The following CIP2A variants were observed in gnomAD, a reference collection of about 807,000 sequenced individuals.
The protein encoded by CIP2A is protein CIP2A.
Under a neutral mutation model 110.9 loss-of-function variants are expected in CIP2A, and 103 were observed. That is an observed-to-expected ratio of 0.93 (90% CI 0.79 to 1.09). The LOEUF is 1.09. Among genes scored for constraint, CIP2A ranks in the 50% least tolerant of loss-of-function variants. The pLI is 0.00. For missense variants in CIP2A, 1,088 were observed against 1,038.4 expected (o/e 1.05, Z -0.66); for synonymous variants, 381 against 361.6 (o/e 1.05, Z -0.61).
intron 8 of CIP2A, chr3:108,575,143 A>G (rs1188178262): frequency 6.6e-6 from 1 of 151,988 alleles, no homozygotes; most frequent in Non-Finnish European, 1.5e-5. Context: ...TCAATCTAAC[A>G]ATCTACAACT....
intron 1 of CIP2A, chr3:108,585,562 T>C (rs1939017329): frequency 2.6e-6 from 1 of 388,840 alleles, no homozygotes; most frequent in Admixed American, 3.5e-5. Flanking sequence ...GCAATATTTC[T>C]CCTTCACACT....
Position 108,559,973 on chromosome 3 carries a change from A to C in CIP2A, c.1883T>G (p.Met628Arg), listed in dbSNP as rs1476713629. The C allele has an allele frequency of 1.3e-6, 2 of 1,599,450 alleles. No homozygotes were observed. The highest frequency in any genetic ancestry group is 8.6e-7 in the Non-Finnish European group (1 of 1,168,166). The stretch of plus-strand genomic sequence containing the variant: ...ACTCACAGCTAATGTGGATAGTTTC[A>C]TTTCATATACATCCATTATGTCAGA... ...RISDIMDVYE[M>R]KLSTLASKES... The change falls in exon 15 of 21, where the codon ATG becomes AGG. Residue 628 changes from methionine (M) to arginine (R), a missense_variant. Transcript: ENST00000295746.
Position 108,581,399 on chromosome 3 carries a change from G to T in CIP2A, c.549+16C>A, listed in dbSNP as rs766044480. On this transcript the variant is annotated intron_variant, in intron 5 of 20. Coordinates refer to ENST00000295746, the MANE Select transcript of CIP2A (RefSeq NM_020890.3). Reference sequence around the variant, plus strand: ...ACCATAAAACAAGAAACATTAAAAAGAAATAAACTTCTTACCAATGTCTTT... The same window carrying T: ...ACCATAAAACAAGAAACATTAAAAATAAATAAACTTCTTACCAATGTCTTT... The T allele has an allele frequency of 3.2e-6, 5 of 1,552,400 alleles. No individual in the cohort carries two copies. The South Asian group carries it at 3.4e-5, about 11-fold the overall frequency.
rs182417514 is a variant in CIP2A at position 108,564,505 on chromosome 3, C to T, written c.1515+850G>A. Among the ~76,000 whole-genome samples the T allele has an allele frequency of 5.9e-5, 9 of 152,048 alleles. No individual in the cohort carries two copies. The East Asian group carries it at 1.7e-3, about 29-fold the overall frequency. The stretch of plus-strand genomic sequence containing the variant: ...TTTTGGAGTAGTCTCCTCCACTATG[C>T]TTTAGCAGACCAGATCAAACCAGAA... On this transcript the variant is annotated intron_variant, in intron 12 of 20. Transcript: ENST00000295746.
intron 1 of CIP2A, 82 bp downstream of exon 1, chr3:108,589,192 G>T: frequency 9.9e-7 from 1 of 1,005,652 alleles, no homozygotes; most frequent in East Asian, 2.5e-5. Context: ...TTCCCAGGCT[G>T]GGGCCGCCAC....
intron 8 of CIP2A, among the ~76,000 whole-genome samples, 192 bp downstream of exon 8, chr3:108,576,079 G>A (rs2107356914): frequency 6.6e-6 from 1 of 151,940 alleles, no homozygotes; most frequent in South Asian, 2.1e-4. Context: ...GACTAAAAGG[G>A]AGCACAAGAA....
chr3:108,550,262 C>A lies in CIP2A; in HGVS notation c.*887G>T, dbSNP rs2083880194. 6.6e-6 allele frequency: 1 copy of A among 151,088 alleles called. No individual in the cohort carries two copies. The highest frequency in any genetic ancestry group is 2.4e-5 in the African/African-American group (1 of 41,276). 9.4% of individuals were successfully genotyped at this position (151,088 alleles called of 1,614,324 possible). ...AACCTATGCTTTAAAATTAAATGAA[C>A]CAATTAAAAACTATTAGGACAACAA... On this transcript the variant is annotated 3_prime_UTR_variant, in exon 21 of 21. Transcript: ENST00000295746.
intron 8 of CIP2A, among the ~76,000 whole-genome samples, chr3:108,575,622 A>G (rs62643917): frequency 0.14 from 12,286 of 89,830 alleles, 3,266 homozygotes; most frequent in East Asian, 0.32. Context: ...ATACATGTGT[A>G]TATATACGTG....
Position 108,579,297 on chromosome 3 carries a change from C to G in CIP2A, c.802G>C (p.Ala268Pro). The change falls in exon 7 of 21, where the codon GCT (alanine) becomes CCT (proline). Residue 268 changes from alanine (A) to proline (P), a missense_variant. Physicochemically the swap from Ala to Pro is conservative, Grantham distance 27. Coordinates refer to ENST00000295746, the MANE Select transcript of CIP2A (RefSeq NM_020890.3). Reference sequence around the variant, plus strand: ...GAGTCATACCTGGTGAGATAATCAGCAATTTTAGGATTCTTAAGGAGATCC... The same window carrying G: ...GAGTCATACCTGGTGAGATAATCAGGAATTTTAGGATTCTTAAGGAGATCC... ...LMDLLKNPKIADYLTRYEHFS... is the reference protein window; with the variant it reads ...LMDLLKNPKIPDYLTRYEHFS... The G allele has an allele frequency of 6.2e-7, 1 of 1,609,464 alleles. No homozygotes were observed. The highest frequency in any genetic ancestry group is 8.5e-7 in the Non-Finnish European group (1 of 1,177,354).
Position 108,560,673 on chromosome 3 carries a change from T to A in CIP2A, c.1803A>T (p.Ile601=). 6.2e-7 allele frequency: 1 copy of A among 1,608,648 alleles called. No homozygotes were observed. ...GVPGLNIEEL[I]EKLQSGMVVK... is the part of the protein sequence containing the mutation. ...CCACCATTCCAGACTGAAGTTTCTCTATTAATTCTTCAATATTCAATCCAG... is the reference window on the plus strand; with the variant it reads ...CCACCATTCCAGACTGAAGTTTCTCAATTAATTCTTCAATATTCAATCCAG... The change falls in exon 14 of 21, where the codon ATA becomes ATT. Residue 601 remains isoleucine (I), a synonymous_variant. Coordinates refer to ENST00000295746, the MANE Select transcript of CIP2A (RefSeq NM_020890.3).
In CIP2A at chr3:108,559,873, A is replaced by G; in HGVS notation, c.1903-6T>C. The stretch of plus-strand genomic sequence containing the variant: ...TGTAGCCTGCTTTCTTTGGACTACA[A>G]GAAAACATATCATTAATTTTCATTT... On this transcript the variant is annotated splice_region_variant and splice_polypyrimidine_tract_variant and intron_variant, in intron 15 of 20. Coordinates refer to ENST00000295746, the MANE Select transcript of CIP2A (RefSeq NM_020890.3). The G allele has an allele frequency of 2.5e-6, 4 of 1,603,638 alleles. No homozygotes were observed. The highest frequency in any genetic ancestry group is 3.4e-6 in the Non-Finnish European group (4 of 1,172,448).
intron 14 of CIP2A, 42 bp downstream of exon 14, chr3:108,560,607 A>C: frequency 8.1e-7 from 1 of 1,227,222 alleles, no homozygotes; most frequent in South Asian, 1.5e-5. Context: ...ACTGACATAT[A>C]GCTAATATGT....
At chr3:108,579,025 A>G (rs1044761967) in intron 7 of CIP2A, among the ~76,000 whole-genome samples, 4 of 152,176 alleles carry the variant, frequency 2.6e-5, no homozygotes, top group African/African-American at 9.6e-5. Flanking sequence ...CAAGATGTCT[A>G]TATTTTGGAG....
chr3:108,567,246 C>CTT (rs546253602), intron 10 of CIP2A, among the ~76,000 whole-genome samples: 11 of 145,660 alleles, frequency 7.6e-5, no homozygotes, highest in Non-Finnish European at 7.6e-5. Context: ...CATCGATTTT[C>CTT]TTTTTTTTTT....
intron 12 of CIP2A, among the ~76,000 whole-genome samples, chr3:108,563,928 T>C (rs1020672185): frequency 1.3e-5 from 2 of 150,696 alleles, no homozygotes; most frequent in Admixed American, 6.8e-5. Context: ...TTAAAACGTT[T>C]TGTTTTTTGG....
rs965148960 is a variant in CIP2A at position 108,589,360 on chromosome 3, A to C, written c.16T>G (p.Cys6Gly). 2.5e-6 allele frequency: 4 copies of C among 1,613,310 alleles called. No individual in the cohort carries two copies. The Admixed American group carries it at 5.0e-5, about 20-fold the overall frequency. ...ACAGTCAGGAGCAAGGACTTCAAGC[A>C]GGCAGTGGAGTCCATTGCACCGGCC... is the stretch of plus-strand genomic sequence containing the variant. Reference protein sequence around the residue: MDSTACLKSLLLTVSQ... With the variant: MDSTAGLKSLLLTVSQ... The change falls in exon 1 of 21, where the codon TGC (cysteine) becomes GGC (glycine). Residue 6 changes from cysteine (C) to glycine (G), a missense_variant. Cys to Gly is a radical substitution (Grantham distance 159, BLOSUM62 -3). Transcript: ENST00000295746.
chr3:108,575,629 CGT>C (rs1244400882), intron 8 of CIP2A, among the ~76,000 whole-genome samples: 5 of 127,088 alleles, frequency 3.9e-5, no homozygotes, highest in East Asian at 2.4e-4. Context: ...TGTATATATA[CGT>C]GTATATATAC....
At chr3:108,584,969 G>C in intron 2 of CIP2A, 96 bp downstream of exon 2, 1 of 1,166,244 alleles carries the variant, frequency 8.6e-7, no homozygotes, top group Non-Finnish European at 1.2e-6. Flanking sequence ...CTTTGAAGGT[G>C]AATCATTCTT....
chr3:108,557,101 C>T, intron 17 of CIP2A, 117 bp downstream of exon 17: 1 of 571,912 alleles, frequency 1.7e-6, no homozygotes, highest in Non-Finnish European at 3.1e-6. Flanking sequence ...AATTACTTAC[C>T]TCATGTGTTA....
Sources: allele counts gnomAD v4.1 joint callset (sites outside exome capture counted in the v4.1 genomes callset), GRCh38; gene constraint gnomAD v4.1.1; transcripts MANE v1.5; gene names NCBI Gene and HGNC (gene_info 2026-07-23, HGNC 2026-07-21).